Variants in SCAI observed in about 807,000 individuals in gnomAD.
SCAI encodes suppressor of cancer cell invasion.
In SCAI, 24 loss-of-function variants were observed where a neutral mutation model predicts 92.2. The ratio of observed to expected loss-of-function variants is 0.26; its 90% CI spans 0.19 to 0.37. The LOEUF (loss-of-function observed/expected upper bound fraction) is 0.37. SCAI is among the 10% of genes least tolerant of loss of function. The pLI, the probability that SCAI is intolerant of heterozygous loss-of-function variation, is 1.00. For missense variants in SCAI, 450 were observed against 736.2 expected, an observed-to-expected ratio of 0.61 and a Z score of 4.50; for synonymous variants, 261 against 258.6, an observed-to-expected ratio of 1.01 and a Z score of -0.09.
chr9:125,089,801 C>T (rs1834394733), intron 2 of SCAI, among the ~76,000 whole-genome samples: 1 of 152,016 alleles, frequency 6.6e-6, no homozygotes, highest in African/African-American at 2.4e-5. Flanking sequence ...AACTCCTGGG[C>T]TCAAGTGATC....
intron 2 of SCAI, among the ~76,000 whole-genome samples, chr9:125,140,001 C>T (rs1011370395): frequency 3.3e-5 from 5 of 151,930 alleles, no homozygotes; most frequent in Admixed American, 6.6e-5. Context: ...CCAAGGCTGG[C>T]GCATCACTTG....
chr9:125,133,979 G>C (rs773632378), intron 2 of SCAI, among the ~76,000 whole-genome samples: 1 of 152,122 alleles, frequency 6.6e-6, no homozygotes, highest in Non-Finnish European at 1.5e-5. Context: ...ATTCTCAAAT[G>C]TCCCTTAGGA....
intron 2 of SCAI, among the ~76,000 whole-genome samples, chr9:125,066,456 A>ATTTTTTT (rs1183338955): frequency 2.5e-5 from 3 of 121,544 alleles, no homozygotes; most frequent in African/African-American, 9.1e-5. Flanking sequence ...TATTTTATTT[A>ATTTTTTT]TTTATTTATT....
At chr9:125,068,913 T>G (rs1833920441) in intron 2 of SCAI, among the ~76,000 whole-genome samples, 1 of 151,042 alleles carries the variant, frequency 6.6e-6, no homozygotes, top group Admixed American at 6.6e-5. Flanking sequence ...GGAAAGAAAA[T>G]AAAAATATAA....
At chr9:125,019,278 CCT>C (rs1832823020) in intron 7 of SCAI, 73 bp from the exon 8 acceptor site, 1 of 813,094 alleles carries the variant, frequency 1.2e-6, no homozygotes, top group African/African-American at 1.8e-5. Context: ...GAACCATATT[CCT>C]GACAGAAACC....
chr9:125,045,238 G>T (rs1412745789), intron 3 of SCAI, among the ~76,000 whole-genome samples: 2 of 152,164 alleles, frequency 1.3e-5, no homozygotes, highest in Non-Finnish European at 2.9e-5. Context: ...GCTAATTTTT[G>T]TGTTTTTAGT....
intron 2 of SCAI, among the ~76,000 whole-genome samples, chr9:125,114,375 T>A (rs542204117): frequency 2.6e-5 from 4 of 152,044 alleles, no homozygotes; most frequent in African/African-American, 9.7e-5. Context: ...ATTACAGTTA[T>A]TGAAGAATGA....
At chr9:125,058,162 A>G (rs1332873954) in intron 2 of SCAI, among the ~76,000 whole-genome samples, 5 of 152,120 alleles carry the variant, frequency 3.3e-5, no homozygotes, top group African/African-American at 1.2e-4. Flanking sequence ...CAGAGTTCTC[A>G]CTTGGCAGAG....
intron 2 of SCAI, among the ~76,000 whole-genome samples, chr9:125,067,457 C>G (rs911001066): frequency 2.0e-5 from 3 of 151,986 alleles, no homozygotes; most frequent in Non-Finnish European, 4.4e-5. Flanking sequence ...AGGAAGGCAG[C>G]CACGTGAAGA....
chr9:125,017,402 AC>A (rs969513251), intron 9 of SCAI, among the ~76,000 whole-genome samples: 37 of 152,164 alleles, frequency 2.4e-4, no homozygotes, highest in African/African-American at 8.7e-4. Flanking sequence ...AACTATACAA[AC>A]CATAAATGTT....
intron 2 of SCAI, among the ~76,000 whole-genome samples, chr9:125,070,460 T>C (rs550607219): frequency 6.7e-6 from 1 of 148,816 alleles, no homozygotes; most frequent in South Asian, 2.1e-4. Flanking sequence ...AGTGCAGCAG[T>C]GCAATCTCAG....
At chr9:125,080,447 A>G (rs1468638440) in intron 2 of SCAI, among the ~76,000 whole-genome samples, 1 of 152,114 alleles carries the variant, frequency 6.6e-6, no homozygotes, top group African/African-American at 2.4e-5. Flanking sequence ...ACATAAGTAA[A>G]CGTATTTTCA....
chr9:125,140,230 A>C (rs1835634486), intron 2 of SCAI, among the ~76,000 whole-genome samples: 2 of 151,830 alleles, frequency 1.3e-5, no homozygotes, highest in African/African-American at 4.8e-5. Flanking sequence ...ATAAAAAGGA[A>C]AAAGAAGTAA....
intron 9 of SCAI, among the ~76,000 whole-genome samples, chr9:125,010,224 A>G (rs1832606095): frequency 6.6e-6 from 1 of 152,190 alleles, no homozygotes; most frequent in African/African-American, 2.4e-5. Context: ...GAAGCAGGGC[A>G]AGGCATTGCC....
At chr9:125,130,680 A>AT (rs151026621) in intron 2 of SCAI, among the ~76,000 whole-genome samples, 2,668 of 141,350 alleles carry the variant, frequency 0.019, 45 homozygotes, top group African/African-American at 0.045. Context: ...ATCCCGGCTA[A>AT]TTTTTTTTTT....
intron 2 of SCAI, among the ~76,000 whole-genome samples, chr9:125,083,496 C>A (rs1017070970): frequency 7.1e-6 from 1 of 140,694 alleles, no homozygotes; most frequent in East Asian, 2.1e-4. Context: ...CCAGCCTATG[C>A]GACACAGTGA....
Position 124,942,820 on chromosome 9 carries a change from A to T in SCAI, c.*9987T>A, listed in dbSNP as rs1831079819. 6.6e-6 allele frequency: 1 copy of T among 152,336 alleles called. No individual in the cohort carries two copies. Among genetic ancestry groups the T allele is most frequent in the Middle Eastern group, 3.4e-3 (1 of 294 alleles). The allele number at this position is 152,336 out of a possible 1,614,324, so 9.4% of individuals were successfully genotyped here. On this transcript the variant is annotated 3_prime_UTR_variant, in exon 18 of 18. Transcript: ENST00000336505. ...TCAATAAACATCAAAACAACGTTTC[A>T]GTTTTCATCCTCTAGTACTGAAGTG...
intron 2 of SCAI, chr9:125,065,849 G>A: frequency 1.7e-6 from 1 of 572,534 alleles, no homozygotes; most frequent in Non-Finnish European, 3.1e-6. Context: ...TTGCTCAACA[G>A]ATGCACAACT....
intron 3 of SCAI, among the ~76,000 whole-genome samples, chr9:125,039,873 A>G (rs1257747793): frequency 6.6e-6 from 1 of 152,236 alleles, no homozygotes; most frequent in Non-Finnish European, 1.5e-5. Flanking sequence ...AGTAATAAGC[A>G]TGGATTCAGG....
Sources: allele counts gnomAD v4.1 joint callset (sites outside exome capture counted in the v4.1 genomes callset), GRCh38; gene constraint gnomAD v4.1.1; transcripts MANE v1.5; gene names NCBI Gene and HGNC (gene_info 2026-07-23, HGNC 2026-07-21).